Variants in GALNT13 observed in about 807,000 individuals in gnomAD.
The protein encoded by GALNT13 is polypeptide N-acetylgalactosaminyltransferase 13.
Under a neutral mutation model 64.2 loss-of-function variants are expected in GALNT13, and 28 were observed. The ratio of observed to expected loss-of-function variants is 0.44; its 90% CI spans 0.32 to 0.60. The LOEUF is 0.60. Ranked by LOEUF, GALNT13 falls within the 20% of genes least tolerant of loss-of-function variation. GALNT13 has a pLI of 0.05. For missense variants in GALNT13, 577 were observed against 669.8 expected, an observed-to-expected ratio of 0.86 and a Z score of 1.53; for synonymous variants, 214 against 224.6, an observed-to-expected ratio of 0.95 and a Z score of 0.42.
Position 154,140,387 on chromosome 2 carries a change from T to C in GALNT13, c.193T>C (p.Leu65=). The change falls in exon 4 of 13, where the codon TTG becomes CTG. Residue 65 remains leucine, a synonymous_variant. Coordinates refer to ENST00000392825, the MANE Select transcript of GALNT13 (RefSeq NM_052917.4). ...EGPGEMGKAV[L]IPKDDQEKMK... ...GCCAGGAGAAATGGGAAAAGCTGTGTTGATTCCTAAAGATGACCAGGAGAA... is the reference window on the plus strand; with the variant it reads ...GCCAGGAGAAATGGGAAAAGCTGTGCTGATTCCTAAAGATGACCAGGAGAA... The C allele has an allele frequency of 6.2e-7, 1 of 1,613,268 alleles. No homozygotes were observed. Among genetic ancestry groups the C allele is most frequent in the Non-Finnish European group, 8.5e-7 (1 of 1,179,394 alleles).
At chr2:153,313,938 C>G in the GALNT13 span, among the ~76,000 whole-genome samples, 1 of 151,988 alleles carries the variant, frequency 6.6e-6, no homozygotes, top group African/African-American at 2.4e-5. Flanking sequence ...ATGACTATTT[C>G]TCCAGTTTTT....
At chr2:154,152,663 C>T (rs1053865877) in intron 4 of GALNT13, among the ~76,000 whole-genome samples, 3 of 152,104 alleles carry the variant, frequency 2.0e-5, no homozygotes, top group Non-Finnish European at 4.4e-5. Context: ...CTTCCCCTCT[C>T]GCTTCATTTC....
the GALNT13 span, among the ~76,000 whole-genome samples, chr2:153,547,169 T>C: frequency 6.6e-6 from 1 of 152,250 alleles, no homozygotes; most frequent in Non-Finnish European, 1.5e-5. Flanking sequence ...TTTGTCACCA[T>C]TGTACTGCAT....
At chr2:154,017,367 A>AT (rs1332638032) in intron 3 of GALNT13, among the ~76,000 whole-genome samples, 1 of 152,210 alleles carries the variant, frequency 6.6e-6, no homozygotes, top group Non-Finnish European at 1.5e-5. Context: ...CTTTGGAGCC[A>AT]TAATGTCCTC....
At chr2:153,160,717 A>G in the GALNT13 span, among the ~76,000 whole-genome samples, 1 of 152,218 alleles carries the variant, frequency 6.6e-6, no homozygotes, top group African/African-American at 2.4e-5. Context: ...GATTAGAAGA[A>G]AGTGGTTCAG....
the GALNT13 span, among the ~76,000 whole-genome samples, chr2:153,086,684 T>C: frequency 6.6e-6 from 1 of 151,726 alleles, no homozygotes; most frequent in African/African-American, 2.4e-5. Context: ...AACAGACTAA[T>C]ACTATTCCTA....
At chr2:153,901,512 G>T (rs957816031) in intron 2 of GALNT13, among the ~76,000 whole-genome samples, 2 of 151,930 alleles carry the variant, frequency 1.3e-5, no homozygotes, top group Non-Finnish European at 2.9e-5. Context: ...GTTTTGTTGA[G>T]AACTTTCTCC....
chr2:153,189,675 T>A, the GALNT13 span, among the ~76,000 whole-genome samples: 1 of 152,152 alleles, frequency 6.6e-6, no homozygotes, highest in Admixed American at 6.6e-5. Context: ...GAAATCTCCA[T>A]ACAGTGATTC....
At position 154,245,985 on chromosome 2, in the gene GALNT13, A is replaced by G. The variant is rs533695762; in HGVS notation, c.857+3A>G. 1.9e-6 allele frequency: 3 copies of G among 1,604,990 alleles called. No homozygotes were observed. Among genetic ancestry groups the G allele is most frequent in the East Asian group, 4.5e-5 (2 of 44,730 alleles). ...GGAGACAGAACATTACCTGTCAGGT[A>G]TGTAGATCATATCTCTTGAAGATTA... On this transcript the variant is annotated splice_donor_region_variant and intron_variant, in intron 7 of 12. Coordinates refer to ENST00000392825, the MANE Select transcript of GALNT13 (RefSeq NM_052917.4).
chr2:154,132,343 T>TTC (rs397814706), intron 3 of GALNT13, among the ~76,000 whole-genome samples: 2 of 151,714 alleles, frequency 1.3e-5, no homozygotes, highest in African/African-American at 4.8e-5. Context: ...TCATTTAACT[T>TTC]GTTTTTCCAA....
intron 3 of GALNT13, among the ~76,000 whole-genome samples, chr2:154,116,490 G>T (rs1681571648): frequency 6.6e-6 from 1 of 152,138 alleles, no homozygotes; most frequent in Admixed American, 6.6e-5. Flanking sequence ...CTGAAACAGG[G>T]AGTTGCAATC....
the GALNT13 span, among the ~76,000 whole-genome samples, chr2:153,516,620 T>C: frequency 6.6e-6 from 1 of 151,950 alleles, no homozygotes; most frequent in East Asian, 1.9e-4. Context: ...GATGGGAGGA[T>C]AGAGAATAAT....
At chr2:153,707,786 T>C in the GALNT13 span, among the ~76,000 whole-genome samples, 9 of 152,190 alleles carry the variant, frequency 5.9e-5, no homozygotes, top group Non-Finnish European at 1.0e-4. Context: ...ACCTGGATTA[T>C]ATGTGTGAGT....
At chr2:153,187,155 C>A in the GALNT13 span, among the ~76,000 whole-genome samples, 9,937 of 152,158 alleles carry the variant, frequency 0.065, 344 homozygotes, top group East Asian at 0.098. Context: ...ACATAATTTT[C>A]AATATTAAAA....
At chr2:153,895,786 T>G (rs1416768884) in intron 1 of GALNT13, among the ~76,000 whole-genome samples, 1 of 152,002 alleles carries the variant, frequency 6.6e-6, no homozygotes, top group Admixed American at 6.6e-5. Context: ...AAGGAAACAA[T>G]CACGCTGTGG....
chr2:154,386,748 T>G (rs62172314), intron 9 of GALNT13, among the ~76,000 whole-genome samples: 12,763 of 152,096 alleles, frequency 0.084, 704 homozygotes, highest in African/African-American at 0.14. Context: ...CAAATTGTTC[T>G]TTTATTTTAA....
chr2:154,271,483 G>A (rs1012790561), intron 8 of GALNT13, among the ~76,000 whole-genome samples: 1 of 151,950 alleles, frequency 6.6e-6, no homozygotes, highest in African/African-American at 2.4e-5. Flanking sequence ...AGAACTGACA[G>A]AAGTTAGCTA....
chr2:154,419,056 T>G (rs1237888729), intron 11 of GALNT13, among the ~76,000 whole-genome samples: 2 of 152,120 alleles, frequency 1.3e-5, no homozygotes, highest in Non-Finnish European at 2.9e-5. Flanking sequence ...ATAACTAAAA[T>G]GAAATCCTTA....
the GALNT13 span, among the ~76,000 whole-genome samples, chr2:153,313,595 G>GTAC: frequency 6.6e-6 from 1 of 152,030 alleles, no homozygotes; most frequent in Non-Finnish European, 1.5e-5. Flanking sequence ...TAACTAATGG[G>GTAC]TACTAGGCTT....
Sources: gnomAD v4.1 joint callset for allele counts (sites outside exome capture counted in the v4.1 genomes callset) on GRCh38, gnomAD v4.1.1 for gene constraint, MANE v1.5 for transcripts, NCBI Gene and HGNC (gene_info 2026-07-23, HGNC 2026-07-21) for gene names.